ZFTA: variants seen among roughly 807,000 people sequenced by gnomAD.
The protein encoded by ZFTA is zinc finger translocation associated.
A neutral mutation model predicts 41.8 loss-of-function variants in ZFTA; 35 were observed. That is an observed-to-expected ratio of 0.84 (90% CI 0.64 to 1.11). The LOEUF is 1.11. Ranked by LOEUF, ZFTA falls within the 50% of genes most tolerant of loss-of-function variation. The pLI is 0.00. For missense variants in ZFTA, 964 were observed against 989.8 expected (o/e 0.97, Z 0.35); for synonymous variants, 514 against 436.4 (o/e 1.18, Z -2.22).
In ZFTA at chr11:63,768,712, C is replaced by T. The variant is rs1264709476; in HGVS notation, c.-90G>A. ...CGCGCGGAGCGCTCGCTGCGCGGGG[C>T]CCCGGGGCGCGGGGCGCATGCACGG... On this transcript the variant is annotated 5_prime_UTR_variant, in exon 1 of 5. Transcript: ENST00000433688. 2 of 566,256 alleles carry T rather than the reference C, an allele frequency of 3.5e-6. No individual in the cohort carries two copies. Among genetic ancestry groups the T allele is most frequent in the Non-Finnish European group, 4.4e-6 (2 of 450,784 alleles). The allele number at this position is 566,256 out of a possible 1,614,324, so 35.1% of individuals were successfully genotyped here.
chr11:63,768,091 A>G (rs1292520110), intron 1 of ZFTA, among the ~76,000 whole-genome samples: 1 of 152,120 alleles, frequency 6.6e-6, no homozygotes, highest in Non-Finnish European at 1.5e-5. Context: ...AAGGGGACCC[A>G]GGGTCTGGGC....
Position 63,763,546 on chromosome 11 carries a change from G to C in ZFTA, c.1909C>G (p.Gln637Glu), listed in dbSNP as rs1450522134. The change falls in exon 5 of 5, where the codon CAG becomes GAG. Residue 637 changes from glutamine (Q) to glutamate (E), a missense_variant. Gln to Glu is a conservative substitution (Grantham distance 29). Coordinates refer to ENST00000433688, the MANE Select transcript of ZFTA (RefSeq NM_001144936.2). ...TCCTCGTAGGCCTCCAGGATAGTCT[G>C]GCGCTCCTCAGGCGTGAAGTCCATG... Reference protein sequence around the residue: ...FSMDFTPEERQTILEAYEEAA... With the variant: ...FSMDFTPEERETILEAYEEAA... 6.5e-7 allele frequency: 1 copy of C among 1,547,350 alleles called. No individual in the cohort carries two copies. The highest frequency in any genetic ancestry group is 1.2e-5 in the South Asian group (1 of 83,946).
At position 63,763,357 on chromosome 11, in the gene ZFTA, C is replaced by G. The variant is rs1310239208; in HGVS notation, c.*61G>C. On this transcript the variant is annotated 3_prime_UTR_variant, in exon 5 of 5. Coordinates refer to ENST00000433688, the MANE Select transcript of ZFTA (RefSeq NM_001144936.2). ...TCTCCCAGCCGAAGGGCCGGGCGAG[C>G]ACAGGGCGGGGCGGGGCCGATCCGA... The G allele has an allele frequency of 8.8e-7, 1 of 1,135,414 alleles. No homozygotes were observed. Among genetic ancestry groups the G allele is most frequent in the Admixed American group, 4.9e-5 (1 of 20,536 alleles). 70.3% of individuals were successfully genotyped at this position (1,135,414 alleles called of 1,614,324 possible). A position where few individuals can be genotyped will look rare whatever the true frequency, so the allele number is the denominator to read the frequency against.
chr11:63,765,750 A>G lies in ZFTA; in HGVS notation c.637+57T>C, dbSNP rs1168677232. ...AGCTCCTTGGCAGAGCAGCTGGCCCACTGTGCCCCACTGGCCACCCAGGCC... is the reference window on the plus strand; with the variant it reads ...AGCTCCTTGGCAGAGCAGCTGGCCCGCTGTGCCCCACTGGCCACCCAGGCC... On this transcript the variant is annotated intron_variant, in intron 2 of 4. Coordinates refer to ENST00000433688, the MANE Select transcript of ZFTA (RefSeq NM_001144936.2). This position sits in a 1 kb window ranked among gnomAD's most constrained non-coding sequence, Gnocchi z 4.0. The G allele has an allele frequency of 1.4e-6, 2 of 1,430,298 alleles. No homozygotes were observed. The highest frequency in any genetic ancestry group is 2.9e-5 in the African/African-American group (2 of 69,322). The allele number at this position is 1,430,298 out of a possible 1,614,324, so 88.6% of individuals were successfully genotyped here. A position where few individuals can be genotyped will look rare whatever the true frequency, so the allele number is the denominator to read the frequency against.
chr11:63,765,151 G>GC lies in ZFTA; in HGVS notation c.740dup (p.Ser248GlnfsTer30). ...GGCGCCGGGCCCCCAGCCCCCTGCT[G>GC]CCCCCGGCCCTCCGGGAGGCTGAGA... On this transcript the variant is annotated frameshift_variant, in exon 3 of 5. Coordinates refer to ENST00000433688, the MANE Select transcript of ZFTA (RefSeq NM_001144936.2). LOFTEE classifies it high-confidence loss of function. The surrounding 1 kb of genome is among the most constrained non-coding windows in gnomAD (Gnocchi z 4.0). The GC allele has an allele frequency of 6.5e-7, 1 of 1,546,232 alleles. No individual in the cohort carries two copies. The highest frequency in any genetic ancestry group is 8.7e-7 in the Non-Finnish European group (1 of 1,145,732).
At position 63,764,923 on chromosome 11, in the gene ZFTA, C is replaced by G. The variant is rs766804433; in HGVS notation, c.969G>C (p.Leu323=). The G allele has an allele frequency of 1.2e-5, 18 of 1,542,418 alleles. No homozygotes were observed. In the South Asian group the frequency reaches 2.2e-4, roughly 18 times the overall value. Residue 323 remains leucine (L), a synonymous_variant, in exon 3 of 5, where the codon CTG becomes CTC. Coordinates refer to ENST00000433688, the MANE Select transcript of ZFTA (RefSeq NM_001144936.2). The stretch of plus-strand genomic sequence containing the variant: ...CCTCGGGCTGGCCCCCCCAGGCCTG[C>G]AGCAGGGCACTGCGCTGGGGGCCGC... ...GLSGPQRSAL[L]QAWGGQPEAL...
rs562479244 is a variant in ZFTA at position 63,762,693 on chromosome 11, A to G, written c.*725T>C. 1.3e-5 allele frequency: 2 copies of G among 152,518 alleles called. No individual in the cohort carries two copies. Among genetic ancestry groups the G allele is most frequent in the Non-Finnish European group, 2.9e-5 (2 of 68,178 alleles). The allele number at this position is 152,518 out of a possible 1,614,324, so 9.4% of individuals were successfully genotyped here. ...CAAGAGCTTTCCTGGAGGGCGTGGC[A>G]GCGGCCTGGGAGGAGAGTGGGGCCG... is the stretch of plus-strand genomic sequence containing the variant. On this transcript the variant is annotated 3_prime_UTR_variant, in exon 5 of 5. Coordinates refer to ENST00000433688, the MANE Select transcript of ZFTA (RefSeq NM_001144936.2).
chr11:63,763,408 C>CG lies in ZFTA; in HGVS notation c.*9dup. The CG allele has an allele frequency of 7.7e-7, 1 of 1,292,452 alleles. No homozygotes were observed. Among genetic ancestry groups the CG allele is most frequent in the South Asian group, 2.0e-5 (1 of 51,218 alleles). The allele number at this position is 1,292,452 out of a possible 1,614,324, so 80.1% of individuals were successfully genotyped here. A position where few individuals can be genotyped will look rare whatever the true frequency, so the allele number is the denominator to read the frequency against. On this transcript the variant is annotated 3_prime_UTR_variant, in exon 5 of 5. Coordinates refer to ENST00000433688, the MANE Select transcript of ZFTA (RefSeq NM_001144936.2). ...CCCGACCCGACCTGACCCGGGGGCC[C>CG]GCTAGGCCGCTACGCCCGACACACA...
Position 63,764,340 on chromosome 11 carries a change from A to C in ZFTA, c.1283T>G (p.Met428Arg), listed in dbSNP as rs2014708366. The change falls in exon 4 of 5, where the codon ATG (methionine) becomes AGG (arginine). Residue 428 changes from methionine to arginine, a missense_variant. By Grantham distance (91) the Met-to-Arg change is moderately conservative (BLOSUM62 -1). Around this residue, in one of 5 missense-constraint regions of ZFTA, gnomAD observed 584 missense variants for 523.1 expected, o/e 1.12. Transcript: ENST00000433688. ...PQERWRLEYL[M>R]ELDGGRRGLV... is the part of the protein sequence containing the mutation. ...GCCGCGCCGGCCGCCGTCCAACTCC[A>C]TGAGGTACTCCAGCCGCCAGCGCTC... The C allele has an allele frequency of 7.4e-7, 1 of 1,357,368 alleles. No homozygotes were observed. The highest frequency in any genetic ancestry group is 9.4e-7 in the Non-Finnish European group (1 of 1,060,106). The allele number at this position is 1,357,368 out of a possible 1,614,324, so 84.1% of individuals were successfully genotyped here.
Position 63,764,168 on chromosome 11 carries a change from G to A in ZFTA, c.1455C>T (p.Ala485=). ...LIAREWSEKA[A]HLLALGPPRP... Reference sequence around the variant, plus strand: ...GGGGCGGCCCCAGGGCCAGCAGGTGGGCGGCCTTCTCGCTCCACTCCCGGG... The same window carrying A: ...GGGGCGGCCCCAGGGCCAGCAGGTGAGCGGCCTTCTCGCTCCACTCCCGGG... Residue 485 remains alanine (A), a synonymous_variant, in exon 4 of 5, where the codon GCC becomes GCT. Coordinates refer to ENST00000433688, the MANE Select transcript of ZFTA (RefSeq NM_001144936.2). 7.3e-7 allele frequency: 1 copy of A among 1,374,414 alleles called. No individual in the cohort carries two copies. The highest frequency in any genetic ancestry group is 9.3e-7 in the Non-Finnish European group (1 of 1,071,746). The allele number at this position is 1,374,414 out of a possible 1,614,324, so 85.1% of individuals were successfully genotyped here. A position where few individuals can be genotyped will look rare whatever the true frequency, so the allele number is the denominator to read the frequency against.
Position 63,764,227 on chromosome 11 carries a change from T to A in ZFTA, c.1396A>T (p.Thr466Ser), listed in dbSNP as rs1489205719. Reference protein sequence around the residue: ...RHIRRRHPGSTRLGGPVQALI... With the variant: ...RHIRRRHPGSSRLGGPVQALI... ...GCCTGGACAGGCCCGCCGAGGCGCG[T>A]GGAGCCCGGGTGGCGCCGGCGGATG... The change falls in exon 4 of 5, where the codon ACG becomes TCG. Residue 466 changes from threonine (T) to serine (S), a missense_variant. Thr to Ser is a moderately conservative substitution (Grantham distance 58). Coordinates refer to ENST00000433688, the MANE Select transcript of ZFTA (RefSeq NM_001144936.2). 5 of 1,436,090 alleles carry A rather than the reference T, an allele frequency of 3.5e-6. No homozygotes were observed. The highest frequency in any genetic ancestry group is 4.5e-6 in the Non-Finnish European group (5 of 1,104,720). 89.0% of individuals were successfully genotyped at this position (1,436,090 alleles called of 1,614,324 possible).
Position 63,762,696 on chromosome 11 carries a change from G to A in ZFTA, c.*722C>T, listed in dbSNP as rs1450761049. 1 of 152,418 alleles carries A rather than the reference G, an allele frequency of 6.6e-6. No homozygotes were observed. The highest frequency in any genetic ancestry group is 1.5e-5 in the Non-Finnish European group (1 of 68,206). 9.4% of individuals were successfully genotyped at this position (152,418 alleles called of 1,614,324 possible). On this transcript the variant is annotated 3_prime_UTR_variant, in exon 5 of 5. Transcript: ENST00000433688. ...GAGCTTTCCTGGAGGGCGTGGCAGC[G>A]GCCTGGGAGGAGAGTGGGGCCGCCG...
In ZFTA at chr11:63,765,365, G is replaced by A; in HGVS notation, c.638-111C>T. ...CACTTGGGCCCCAGGCCTAACCTTT[G>A]CCCTTCTCTTCCTCTCTCCTGAAAT... On this transcript the variant is annotated intron_variant, in intron 2 of 4. Transcript: ENST00000433688. The surrounding 1 kb of genome is among the most constrained non-coding windows in gnomAD (Gnocchi z 4.0). 1.6e-6 allele frequency: 2 copies of A among 1,220,720 alleles called. No individual in the cohort carries two copies. Among genetic ancestry groups the A allele is most frequent in the East Asian group, 5.7e-5 (2 of 35,342 alleles). 75.6% of individuals were successfully genotyped at this position (1,220,720 alleles called of 1,614,324 possible).
intron 1 of ZFTA, among the ~76,000 whole-genome samples, chr11:63,766,525 A>G (rs895721310): frequency 7.2e-5 from 11 of 152,190 alleles, no homozygotes; most frequent in African/African-American, 2.4e-4. Context: ...GAACAAAAGG[A>G]CGCAGGGCAC....
chr11:63,768,606 T>C lies in ZFTA; in HGVS notation c.17A>G (p.Asp6Gly). ...GCCGCCGCTGCTCCGGCTCCGGTGGTCCCCGCCGGGCTCCATGCGCTGCGC... is the reference window on the plus strand; with the variant it reads ...GCCGCCGCTGCTCCGGCTCCGGTGGCCCCCGCCGGGCTCCATGCGCTGCGC... MEPGGDHRSRSSGGRG... is the reference protein window; with the variant it reads MEPGGGHRSRSSGGRG... Residue 6 changes from aspartate to glycine, a missense_variant, in exon 1 of 5, where the codon GAC becomes GGC. Physicochemically the swap from Asp to Gly is moderately conservative, Grantham distance 94. Transcript: ENST00000433688. 9.8e-7 allele frequency: 1 copy of C among 1,015,818 alleles called. No homozygotes were observed. The highest frequency in any genetic ancestry group is 1.2e-6 in the Non-Finnish European group (1 of 853,622). 62.9% of individuals were successfully genotyped at this position (1,015,818 alleles called of 1,614,324 possible).
In ZFTA at chr11:63,761,570, G is replaced by A. The variant is rs1204495234; in HGVS notation, c.*1848C>T. ...GGGAAGCAGTGTGGCATCGTGCAAA[G>A]AACACTGAGTCAGGAGCTAGGATTT... is the stretch of plus-strand genomic sequence containing the variant. On this transcript the variant is annotated 3_prime_UTR_variant, in exon 5 of 5. Transcript: ENST00000433688. 6.6e-6 allele frequency: 1 copy of A among 152,152 alleles called. No individual in the cohort carries two copies. Among genetic ancestry groups the A allele is most frequent in the Non-Finnish European group, 1.5e-5 (1 of 68,040 alleles). The allele number at this position is 152,152 out of a possible 1,614,324, so 9.4% of individuals were successfully genotyped here. A position where few individuals can be genotyped will look rare whatever the true frequency, so the allele number is the denominator to read the frequency against.
rs552593472 is a variant in ZFTA, at chr11:63,760,295, T to C, written c.*3123A>G. ...AACTAAATACATCATCAGGTCTTCA[T>C]TGAAAGAACTTGAGTGGTCACCTGT... On this transcript the variant is annotated 3_prime_UTR_variant, in exon 5 of 5. Coordinates refer to ENST00000433688, the MANE Select transcript of ZFTA (RefSeq NM_001144936.2). The C allele has an allele frequency of 5.3e-5, 8 of 152,324 alleles. No individual in the cohort carries two copies. Among genetic ancestry groups the C allele is most frequent in the Middle Eastern group, 3.4e-3 (1 of 294 alleles). 9.4% of individuals were successfully genotyped at this position (152,324 alleles called of 1,614,324 possible).
chr11:63,768,688 G>C lies in ZFTA; in HGVS notation c.-66C>G, dbSNP rs1253252359. The C allele has an allele frequency of 1.3e-6, 1 of 779,392 alleles. No individual in the cohort carries two copies. The highest frequency in any genetic ancestry group is 1.5e-6 in the Non-Finnish European group (1 of 646,182). 48.3% of individuals were successfully genotyped at this position (779,392 alleles called of 1,614,324 possible). On this transcript the variant is annotated 5_prime_UTR_variant, in exon 1 of 5. Coordinates refer to ENST00000433688, the MANE Select transcript of ZFTA (RefSeq NM_001144936.2). Reference sequence around the variant, plus strand: ...GGGGCCGCGGGGCCGGCGGCAGCCCGCGCGGAGCGCTCGCTGCGCGGGGCC... The same window carrying C: ...GGGGCCGCGGGGCCGGCGGCAGCCCCCGCGGAGCGCTCGCTGCGCGGGGCC...
Position 63,764,200 on chromosome 11 carries a change from G to T in ZFTA, c.1423C>A (p.Leu475Ile). The T allele has an allele frequency of 7.1e-7, 1 of 1,402,686 alleles. No homozygotes were observed. Among genetic ancestry groups the T allele is most frequent in the Admixed American group, 3.5e-5 (1 of 28,558 alleles). The allele number at this position is 1,402,686 out of a possible 1,614,324, so 86.9% of individuals were successfully genotyped here. Residue 475 changes from leucine to isoleucine, a missense_variant, in exon 4 of 5, where the codon CTC becomes ATC. Transcript: ENST00000433688. The stretch of plus-strand genomic sequence containing the variant: ...TTCTCGCTCCACTCCCGGGCGATGA[G>T]GGCCTGGACAGGCCCGCCGAGGCGC... ...STRLGGPVQA[L>I]IAREWSEKAA...
Sources: gnomAD v4.1 joint callset for allele counts (sites outside exome capture counted in the v4.1 genomes callset) on GRCh38, gnomAD v4.1.1 for gene constraint, gnomAD v4.1.1 regional missense constraint, Gnocchi (gnomAD v3.1) non-coding constraint, MANE v1.5 for transcripts, NCBI Gene and HGNC (gene_info 2026-07-23, HGNC 2026-07-21) for gene names.